Variants in CERS6 observed in about 807,000 individuals in gnomAD.
CERS6 encodes ceramide synthase 6.
CERS6 carries 26 observed loss-of-function variants against 56.8 expected under a neutral mutation model. The ratio of observed to expected loss-of-function variants is 0.46; its 90% CI spans 0.34 to 0.63. The LOEUF is 0.63. Ranked by LOEUF, CERS6 falls within the 30% of genes least tolerant of loss-of-function variation. The probability of loss-of-function intolerance (pLI) is 0.01; values close to 1 mark genes in which losing one functional copy is unlikely to be tolerated. For missense variants in CERS6, 415 were observed against 467.5 expected, an observed-to-expected ratio of 0.89 and a Z score of 1.04; for synonymous variants, 164 against 173.3, an observed-to-expected ratio of 0.95 and a Z score of 0.42.
intron 4 of CERS6, among the ~76,000 whole-genome samples, chr2:168,657,305 A>G (rs1685503344): frequency 6.6e-6 from 1 of 152,204 alleles, no homozygotes; most frequent in African/African-American, 2.4e-5. Context: ...TGATTGGTGT[A>G]TTTACAGTCC....
At chr2:168,739,052 A>ATTTTTTTTTTTTTTTT (rs59967315) in intron 8 of CERS6, among the ~76,000 whole-genome samples, 1 of 87,644 alleles carries the variant, frequency 1.1e-5, no homozygotes, top group African/African-American at 4.9e-5. Flanking sequence ...CACCCGGCTA[A>ATTTTTTTTTTTTTTTT]TTTTTTTTTT....
Position 168,765,767 on chromosome 2 carries a change from T to A in CERS6, c.1002+19T>A, listed in dbSNP as rs1348741764. On this transcript the variant is annotated intron_variant, in intron 9 of 9. Coordinates refer to ENST00000305747, the MANE Select transcript of CERS6 (RefSeq NM_203463.3). ...AGGCAAGGTAAGCTACAACTCACTT[T>A]TTCCAATATGTCTTAAAAAATTTTG... 1 of 1,598,578 alleles carries A rather than the reference T, an allele frequency of 6.3e-7. No homozygotes were observed. Among genetic ancestry groups the A allele is most frequent in the East Asian group, 2.2e-5 (1 of 44,630 alleles).
intron 7 of CERS6, among the ~76,000 whole-genome samples, 164 bp downstream of exon 7, chr2:168,715,293 G>C (rs1299496346): frequency 5.3e-5 from 8 of 152,056 alleles, no homozygotes; most frequent in Admixed American, 2.6e-4. Flanking sequence ...GTGAAAATGA[G>C]ATTCTAAATT....
rs182621309 is a variant in CERS6, at chr2:168,530,941, G to C, written c.171-16655G>C. Among the ~76,000 whole-genome samples, 72 of 152,236 alleles carry C rather than the reference G, an allele frequency of 4.7e-4. No individual in the cohort carries two copies. The East Asian group carries it at 0.013, about 28-fold the overall frequency. ...TCGTTTTTAGCTACTACCACAAAAA[G>C]CCTTTGCCAATGGTTATTTATTAAT... On this transcript the variant is annotated intron_variant, in intron 1 of 9. Coordinates refer to ENST00000305747, the MANE Select transcript of CERS6 (RefSeq NM_203463.3).
intron 3 of CERS6, among the ~76,000 whole-genome samples, chr2:168,582,375 C>T (rs1683434541): frequency 6.6e-6 from 1 of 152,072 alleles, no homozygotes; most frequent in Non-Finnish European, 1.5e-5. Context: ...CTCTGGGTTC[C>T]TAGTTTCCCT....
At chr2:168,744,227 T>A (rs377067255) in intron 8 of CERS6, among the ~76,000 whole-genome samples, 7 of 152,054 alleles carry the variant, frequency 4.6e-5, no homozygotes, top group South Asian at 4.1e-4. Context: ...GGATGGTCTC[T>A]ATCTCCTGAC....
intron 4 of CERS6, among the ~76,000 whole-genome samples, chr2:168,659,608 A>G (rs1574137261): frequency 1.3e-5 from 2 of 152,176 alleles, no homozygotes; most frequent in Non-Finnish European, 2.9e-5. Context: ...ATCCAGTGTT[A>G]ACACTCCACA....
Position 168,771,753 on chromosome 2 carries a change from G to A in CERS6, c.*2091G>A, listed in dbSNP as rs1293095353. 1.3e-5 allele frequency: 2 copies of A among 152,118 alleles called. No homozygotes were observed. Among genetic ancestry groups the A allele is most frequent in the Non-Finnish European group, 2.9e-5 (2 of 68,016 alleles). 9.4% of individuals were successfully genotyped at this position (152,118 alleles called of 1,614,324 possible). A position where few individuals can be genotyped will look rare whatever the true frequency, so the allele number is the denominator to read the frequency against. ...TTCAGGTTTAGATCATATGACACTC[G>A]AGCACAGAAGAATAATTTCAAGGAG... On this transcript the variant is annotated 3_prime_UTR_variant, in exon 10 of 10. Transcript: ENST00000305747.
At chr2:168,697,553 CTT>C (rs113250500) in intron 6 of CERS6, among the ~76,000 whole-genome samples, 35 of 141,132 alleles carry the variant, frequency 2.5e-4, no homozygotes, top group Admixed American at 3.5e-4. Context: ...AACATTCTTC[CTT>C]TTTTTTTTTT....
chr2:168,735,907 G>GA, intron 8 of CERS6, among the ~76,000 whole-genome samples: 1 of 144,644 alleles, frequency 6.9e-6, no homozygotes, highest in Admixed American at 6.9e-5. Flanking sequence ...AAGAAAGAAA[G>GA]AAATATTTTT....
At chr2:168,543,869 G>T (rs1695416037) in intron 1 of CERS6, among the ~76,000 whole-genome samples, 1 of 152,176 alleles carries the variant, frequency 6.6e-6, no homozygotes, top group African/African-American at 2.4e-5. Context: ...TAAAGAAGTG[G>T]CTTCTTGAGT....
intron 3 of CERS6, among the ~76,000 whole-genome samples, chr2:168,594,050 A>G (rs1437661775): frequency 6.6e-6 from 1 of 152,242 alleles, no homozygotes; most frequent in Non-Finnish European, 1.5e-5. Context: ...AAATTATTTT[A>G]GATCCTGTAT....
At chr2:168,491,892 A>G (rs1694380858) in intron 1 of CERS6, among the ~76,000 whole-genome samples, 1 of 152,124 alleles carries the variant, frequency 6.6e-6, no homozygotes. Flanking sequence ...TTCCTGTGTT[A>G]GTTTGCTGAC....
chr2:168,573,535 A>G (rs1683171869), intron 3 of CERS6, among the ~76,000 whole-genome samples: 1 of 152,192 alleles, frequency 6.6e-6, no homozygotes. Flanking sequence ...CCATGGGACA[A>G]GTGACCATCC....
chr2:168,643,360 G>C (rs2105308260), intron 4 of CERS6, among the ~76,000 whole-genome samples: 1 of 152,290 alleles, frequency 6.6e-6, no homozygotes, highest in Admixed American at 6.5e-5. Context: ...TGTTGTTGTT[G>C]TCGGGTGGGG....
intron 3 of CERS6, chr2:168,606,632 T>C (rs1282497908): frequency 6.6e-6 from 1 of 152,220 alleles, no homozygotes; most frequent in African/African-American, 2.4e-5. Flanking sequence ...GGTATGATTT[T>C]ATTTTGAAAT....
rs138072555 is a variant in CERS6, at chr2:168,602,710, G to C, written c.408-28275G>C. Reference sequence around the variant, plus strand: ...TGACATCAAAAACAGGGAAAAATCTGATGAAGCGAAGTTCAGGTTGGTGGT... The same window carrying C: ...TGACATCAAAAACAGGGAAAAATCTCATGAAGCGAAGTTCAGGTTGGTGGT... On this transcript the variant is annotated intron_variant, in intron 3 of 9. Coordinates refer to ENST00000305747, the MANE Select transcript of CERS6 (RefSeq NM_203463.3). Among the ~76,000 whole-genome samples the C allele has an allele frequency of 5.3e-5, 8 of 152,312 alleles. No individual in the cohort carries two copies. In the East Asian group the frequency reaches 1.5e-3, roughly 29 times the overall value.
intron 1 of CERS6, among the ~76,000 whole-genome samples, chr2:168,532,304 T>C (rs554777576): frequency 6.6e-6 from 1 of 152,268 alleles, no homozygotes; most frequent in East Asian, 1.9e-4. Flanking sequence ...GATGAGAAAA[T>C]AGAGAAGTTC....
intron 4 of CERS6, among the ~76,000 whole-genome samples, chr2:168,684,673 C>G (rs1217223010): frequency 1.3e-5 from 2 of 152,196 alleles, no homozygotes; most frequent in Non-Finnish European, 2.9e-5. Context: ...ACAGATCACA[C>G]TTGCTATGAC....
Sources: gnomAD v4.1 joint callset for allele counts (sites outside exome capture counted in the v4.1 genomes callset) on GRCh38, gnomAD v4.1.1 for gene constraint, MANE v1.5 for transcripts, NCBI Gene and HGNC (gene_info 2026-07-23, HGNC 2026-07-21) for gene names.